The following GRID2 variants were observed in gnomAD, a reference collection of about 807,000 sequenced individuals.
The protein encoded by GRID2 is glutamate receptor ionotropic, delta-2.
Under a neutral mutation model 114.8 loss-of-function variants are expected in GRID2, and 33 were observed. The ratio of observed to expected loss-of-function variants is 0.29; its 90% CI spans 0.22 to 0.38. The LOEUF (loss-of-function observed/expected upper bound fraction) is 0.38. GRID2 is among the 10% of genes least tolerant of loss of function. The probability of loss-of-function intolerance (pLI) is 1.00; values close to 1 mark genes in which losing one functional copy is unlikely to be tolerated. For synonymous variants in GRID2, 505 were observed against 449.9 expected, an observed-to-expected ratio of 1.12 and a Z score of -1.55; for missense variants, 1,184 against 1,257.7, an observed-to-expected ratio of 0.94 and a Z score of 0.89.
intron 1 of GRID2, among the ~76,000 whole-genome samples, chr4:92,376,689 C>T (rs1729371825): frequency 6.6e-6 from 1 of 152,168 alleles, no homozygotes; most frequent in South Asian, 2.1e-4. Context: ...GATATCCAGG[C>T]ATTTCCATAC....
intron 4 of GRID2, among the ~76,000 whole-genome samples, chr4:93,140,390 C>A (rs1386876110): frequency 6.6e-6 from 1 of 152,080 alleles, no homozygotes; most frequent in African/African-American, 2.4e-5. Context: ...TTTCTCCTGA[C>A]CTCCTGATCC....
At chr4:93,001,244 T>C (rs1017118866) in intron 2 of GRID2, among the ~76,000 whole-genome samples, 8 of 151,724 alleles carry the variant, frequency 5.3e-5, no homozygotes, top group Non-Finnish European at 8.9e-5. Flanking sequence ...AAAAATGTTA[T>C]GTGTAAACAC....
rs187325215 is a variant in GRID2, at chr4:93,496,155, A to G, written c.1997+5378A>G. Among the ~76,000 whole-genome samples, 168 of 150,342 alleles carry G rather than the reference A, an allele frequency of 1.1e-3. 1 individual carries two copies. The highest frequency in any genetic ancestry group is 3.5e-3 in the Middle Eastern group (1 of 284). On this transcript the variant is annotated intron_variant, in intron 12 of 15. Coordinates refer to ENST00000282020, the MANE Select transcript of GRID2 (RefSeq NM_001510.4). ...AAAAAACAGGCTGTTTTGAGAAAAT[A>G]GGAAAGTACAAAAAGATGTCGAAGG...
rs1326087381 is a variant in GRID2, at chr4:92,306,575, G to T, written c.88+1831G>T. On this transcript the variant is annotated intron_variant, in intron 1 of 15. Coordinates refer to ENST00000282020, the MANE Select transcript of GRID2 (RefSeq NM_001510.4). ...GATGTAGGCTCCTCATCTCTCAGGA[G>T]GGAAAGCCTGTGGAAGAATGCTTTT... is the stretch of plus-strand genomic sequence containing the variant. Among the ~76,000 whole-genome samples the T allele has an allele frequency of 2.6e-5, 4 of 152,270 alleles. No homozygotes were observed. The East Asian group carries it at 7.7e-4, about 29-fold the overall frequency.
chr4:92,646,391 T>G, intron 2 of GRID2, among the ~76,000 whole-genome samples: 1 of 152,234 alleles, frequency 6.6e-6, no homozygotes, highest in Non-Finnish European at 1.5e-5. Flanking sequence ...ATTATTAACC[T>G]GCCTGTACAG....
chr4:92,694,168 A>G (rs932750762), intron 2 of GRID2, among the ~76,000 whole-genome samples: 7 of 152,212 alleles, frequency 4.6e-5, no homozygotes, highest in African/African-American at 1.2e-4. Context: ...GCCACTTTGC[A>G]TTTATTATCG....
At chr4:92,833,238 A>G (rs1027547872) in intron 2 of GRID2, among the ~76,000 whole-genome samples, 1 of 152,206 alleles carries the variant, frequency 6.6e-6, no homozygotes, top group African/African-American at 2.4e-5. Context: ...TAATAAAATC[A>G]TCTGACATGG....
intron 2 of GRID2, among the ~76,000 whole-genome samples, chr4:92,667,347 G>T (rs952563845): frequency 6.6e-6 from 1 of 151,554 alleles, no homozygotes; most frequent in African/African-American, 2.4e-5. Context: ...ATAACACTGG[G>T]TAAAAGTAGA....
At chr4:92,605,374 A>T (rs570768896) in intron 2 of GRID2, among the ~76,000 whole-genome samples, 96 of 152,144 alleles carry the variant, frequency 6.3e-4, no homozygotes, top group African/African-American at 2.2e-3. Flanking sequence ...CTAGATTGGG[A>T]TTTATACAGA....
At chr4:92,882,509 T>G in intron 2 of GRID2, among the ~76,000 whole-genome samples, 1 of 152,176 alleles carries the variant, frequency 6.6e-6, no homozygotes, top group East Asian at 1.9e-4. Flanking sequence ...CATTTTTTTT[T>G]TAATTTCAAA....
intron 2 of GRID2, among the ~76,000 whole-genome samples, chr4:92,748,263 C>T (rs1560569962): frequency 6.6e-6 from 1 of 152,146 alleles, no homozygotes; most frequent in Non-Finnish European, 1.5e-5. Flanking sequence ...AAAAACTCAA[C>T]TTAAACTGAC....
At chr4:92,458,462 G>T (rs555904208) in intron 1 of GRID2, among the ~76,000 whole-genome samples, 83 of 152,268 alleles carry the variant, frequency 5.5e-4, no homozygotes, top group Non-Finnish European at 1.0e-3. Flanking sequence ...AGTCACAGTG[G>T]CACATGGAGT....
At chr4:92,754,631 G>A (rs984179539) in intron 2 of GRID2, among the ~76,000 whole-genome samples, 2 of 151,720 alleles carry the variant, frequency 1.3e-5, no homozygotes. Context: ...CACTGTATAG[G>A]GTTAGTATTA....
intron 1 of GRID2, among the ~76,000 whole-genome samples, chr4:92,552,566 A>G (rs1242792083): frequency 6.6e-6 from 1 of 152,180 alleles, no homozygotes; most frequent in African/African-American, 2.4e-5. Flanking sequence ...AGAGATGGAA[A>G]CTAATGGAGA....
intron 1 of GRID2, among the ~76,000 whole-genome samples, chr4:92,446,122 T>G (rs1353713129): frequency 1.3e-5 from 2 of 152,130 alleles, no homozygotes; most frequent in South Asian, 4.1e-4. Flanking sequence ...AATTTTTGTA[T>G]TTTTAGTAGA....
chr4:92,730,844 T>C (rs1736296229), intron 2 of GRID2, among the ~76,000 whole-genome samples: 2 of 152,008 alleles, frequency 1.3e-5, no homozygotes, highest in Admixed American at 6.6e-5. Flanking sequence ...TTGCAGAAGA[T>C]AGTAAATTAT....
At chr4:92,438,412 A>T (rs913508493) in intron 1 of GRID2, among the ~76,000 whole-genome samples, 2 of 152,124 alleles carry the variant, frequency 1.3e-5, no homozygotes, top group African/African-American at 4.8e-5. Flanking sequence ...TTGTGCTCCC[A>T]TAATCCCTGT....
At chr4:92,984,012 G>A (rs1037250114) in intron 2 of GRID2, among the ~76,000 whole-genome samples, 5 of 152,112 alleles carry the variant, frequency 3.3e-5, no homozygotes, top group Admixed American at 3.3e-4. Flanking sequence ...TAACCTCTTT[G>A]GCCCTCAGTG....
intron 2 of GRID2, among the ~76,000 whole-genome samples, chr4:93,044,296 T>C (rs1038020852): frequency 2.0e-5 from 3 of 152,262 alleles, no homozygotes; most frequent in Admixed American, 2.0e-4. Context: ...TTGGAAGATA[T>C]TTAGCAATTT....
Sources: allele counts gnomAD v4.1 joint callset (sites outside exome capture counted in the v4.1 genomes callset), GRCh38; gene constraint gnomAD v4.1.1; transcripts MANE v1.5; gene names NCBI Gene and HGNC (gene_info 2026-07-23, HGNC 2026-07-21).